Variants in PTPRD observed in about 807,000 individuals in gnomAD.
PTPRD encodes the protein receptor-type tyrosine-protein phosphatase delta.
A neutral mutation model predicts 214.5 loss-of-function variants in PTPRD; 34 were observed. The ratio of observed to expected loss-of-function variants is 0.16; its 90% confidence interval spans 0.12 to 0.21. PTPRD has a LOEUF of 0.21. Among genes scored for constraint, PTPRD ranks in the 10% least tolerant of loss-of-function variants. The pLI is 1.00. For missense variants in PTPRD, 2,545 were observed against 2,398.7 expected, an observed-to-expected ratio of 1.06 and a Z score of -1.27; for synonymous variants, 1,128 against 845.7, an observed-to-expected ratio of 1.33 and a Z score of -5.79.
chr9:10,277,933 C>T (rs1018382781), intron 3 of PTPRD, among the ~76,000 whole-genome samples: 40 of 151,736 alleles, frequency 2.6e-4, no homozygotes, highest in African/African-American at 3.6e-4. Context: ...GTGAGGCGGG[C>T]GGATCATGAG....
At chr9:9,473,226 C>G (rs1413147864) in intron 8 of PTPRD, among the ~76,000 whole-genome samples, 1 of 152,100 alleles carries the variant, frequency 6.6e-6, no homozygotes, top group African/African-American at 2.4e-5. Flanking sequence ...TGAAAACATG[C>G]AATATGCCTT....
chr9:9,768,683 C>T (rs1364208450), intron 5 of PTPRD, among the ~76,000 whole-genome samples: 1 of 152,076 alleles, frequency 6.6e-6, no homozygotes, highest in Middle Eastern at 3.2e-3. Context: ...AACAGAAAAC[C>T]TCCTTAAATG....
intron 3 of PTPRD, among the ~76,000 whole-genome samples, chr9:10,338,150 A>G (rs1221147937): frequency 6.6e-6 from 1 of 151,666 alleles, no homozygotes; most frequent in African/African-American, 2.4e-5. Flanking sequence ...GGGTCTTGCT[A>G]GCAGTATCAA....
intron 14 of PTPRD, among the ~76,000 whole-genome samples, chr9:8,585,478 G>C (rs2093574333): frequency 1.3e-5 from 2 of 152,126 alleles, no homozygotes; most frequent in African/African-American, 2.4e-5. Context: ...GAATGCCTAA[G>C]CATGAAGAAA....
intron 11 of PTPRD, among the ~76,000 whole-genome samples, chr9:8,894,018 C>T (rs532794303): frequency 6.6e-6 from 1 of 151,986 alleles, no homozygotes; most frequent in African/African-American, 2.4e-5. Flanking sequence ...GTAAAGCACA[C>T]CCGAAGATAC....
chr9:8,627,988 T>C (rs1488511105), intron 14 of PTPRD, among the ~76,000 whole-genome samples: 14 of 151,926 alleles, frequency 9.2e-5, no homozygotes, highest in Admixed American at 9.2e-4. Flanking sequence ...TCAACTATTT[T>C]ATAAGCCTTT....
intron 9 of PTPRD, among the ~76,000 whole-genome samples, chr9:9,244,849 A>G (rs2099972245): frequency 6.6e-6 from 1 of 152,200 alleles, no homozygotes; most frequent in South Asian, 2.1e-4. Flanking sequence ...GTGAACAGGC[A>G]ACCTACAGAA....
chr9:9,390,004 G>C (rs1253701621), intron 9 of PTPRD, among the ~76,000 whole-genome samples: 1 of 152,146 alleles, frequency 6.6e-6, no homozygotes, highest in African/African-American at 2.4e-5. Context: ...GATAAGAAGA[G>C]ACAGAGGTGG....
At chr9:9,770,907 G>T (rs1477337525) in intron 5 of PTPRD, among the ~76,000 whole-genome samples, 2 of 152,094 alleles carry the variant, frequency 1.3e-5, no homozygotes, top group Non-Finnish European at 2.9e-5. Flanking sequence ...TAAAAGAGAG[G>T]TCTATATTTA....
intron 7 of PTPRD, among the ~76,000 whole-genome samples, chr9:9,633,864 G>C (rs1436168949): frequency 6.6e-6 from 1 of 152,036 alleles, no homozygotes; most frequent in Non-Finnish European, 1.5e-5. Flanking sequence ...AACATAAATA[G>C]ATTGTATATT....
At chr9:9,699,887 A>C (rs2097458499) in intron 7 of PTPRD, among the ~76,000 whole-genome samples, 1 of 152,184 alleles carries the variant, frequency 6.6e-6, no homozygotes, top group Non-Finnish European at 1.5e-5. Context: ...CTAGGGTTGC[A>C]ATGTTTTTCC....
At chr9:9,992,721 G>A (rs564966327) in intron 4 of PTPRD, among the ~76,000 whole-genome samples, 2 of 152,016 alleles carry the variant, frequency 1.3e-5, no homozygotes, top group South Asian at 2.1e-4. Context: ...AACACTGCAC[G>A]TTCTCACTCA....
At chr9:10,406,054 G>C (rs1296239841) in intron 2 of PTPRD, among the ~76,000 whole-genome samples, 1 of 150,740 alleles carries the variant, frequency 6.6e-6, no homozygotes, top group Non-Finnish European at 1.5e-5. Flanking sequence ...AATATTTCTT[G>C]GAAATAGAAG....
At chr9:10,283,082 A>G (rs1423283200) in intron 3 of PTPRD, among the ~76,000 whole-genome samples, 2 of 151,888 alleles carry the variant, frequency 1.3e-5, no homozygotes, top group African/African-American at 2.4e-5. Context: ...GAAATTTAAG[A>G]CTTTCTCTTC....
At chr9:8,722,297 A>G (rs2098509064) in intron 12 of PTPRD, among the ~76,000 whole-genome samples, 1 of 152,084 alleles carries the variant, frequency 6.6e-6, no homozygotes, top group African/African-American at 2.4e-5. Flanking sequence ...CCTATTCTCA[A>G]TTATCCTCCC....
intron 9 of PTPRD, among the ~76,000 whole-genome samples, chr9:9,254,006 T>C (rs977481971): frequency 6.6e-6 from 1 of 152,126 alleles, no homozygotes; most frequent in Admixed American, 6.5e-5. Flanking sequence ...GCCTTCTCCT[T>C]TGTGTCTCTC....
intron 2 of PTPRD, among the ~76,000 whole-genome samples, chr9:10,401,846 C>G (rs2098275195): frequency 6.6e-6 from 1 of 150,958 alleles, no homozygotes; most frequent in Non-Finnish European, 1.5e-5. Context: ...TTCCAAGTTT[C>G]TTTAAATTCC....
At chr9:9,892,757 A>AG in intron 5 of PTPRD, among the ~76,000 whole-genome samples, 1 of 151,698 alleles carries the variant, frequency 6.6e-6, no homozygotes, top group Non-Finnish European at 1.5e-5. Flanking sequence ...AAAAAAAAAA[A>AG]TTGTGTCTTG....
intron 10 of PTPRD, among the ~76,000 whole-genome samples, chr9:9,144,203 C>T (rs1592354151): frequency 6.6e-6 from 1 of 152,176 alleles, no homozygotes; most frequent in Admixed American, 6.5e-5. Flanking sequence ...GCTATTTCTG[C>T]TCTGTGACAA....
Sources: allele counts gnomAD v4.1 joint callset (sites outside exome capture counted in the v4.1 genomes callset), GRCh38; gene constraint gnomAD v4.1.1; transcripts MANE v1.5; gene names NCBI Gene and HGNC (gene_info 2026-07-23, HGNC 2026-07-21).